The following NRXN1 variants were observed in gnomAD, a reference collection of about 807,000 sequenced individuals.
The protein encoded by NRXN1 is neurexin 1.
NRXN1 carries 39 observed loss-of-function variants against 150.9 expected under a neutral mutation model. The ratio of observed to expected loss-of-function variants is 0.26; its 90% CI spans 0.20 to 0.34. The LOEUF (loss-of-function observed/expected upper bound fraction) is 0.34, where lower values mean the gene tolerates loss of function less well. Among genes scored for constraint, NRXN1 ranks in the 10% least tolerant of loss-of-function variants. The pLI, the probability that NRXN1 is intolerant of heterozygous loss-of-function variation, is 1.00. For synonymous variants in NRXN1, 924 were observed against 757.0 expected (o/e 1.22, Z -3.62); for missense variants, 1,815 against 1,949.9 (o/e 0.93, Z 1.30).
chr2:50,150,413 A>G (rs772094342), intron 18 of NRXN1, among the ~76,000 whole-genome samples: 5 of 151,696 alleles, frequency 3.3e-5, no homozygotes, highest in Non-Finnish European at 5.9e-5. Context: ...TGTATTGTCT[A>G]TTTTTTTCTA....
chr2:50,966,274 A>G (rs534398723), intron 2 of NRXN1, among the ~76,000 whole-genome samples: 13 of 151,348 alleles, frequency 8.6e-5, no homozygotes, highest in Non-Finnish European at 1.8e-4. Context: ...GGAAATTCTT[A>G]ACAGAGCTGC....
In NRXN1 at chr2:50,115,215, G is replaced by GTA. The variant is rs1182060082; in HGVS notation, c.3547-23722_3547-23721insTA. On this transcript the variant is annotated intron_variant, in intron 18 of 22. Transcript: ENST00000401669. ...TTACAAAAAAACATATATATGTTAT[G>GTA]TGTATATATATATATATATATATAT... Among the ~76,000 whole-genome samples the GTA allele has an allele frequency of 1.8e-4, 13 of 70,722 alleles. No individual in the cohort carries two copies. In the South Asian group the frequency reaches 6.1e-3, roughly 33 times the overall value. The allele number at this position is 70,722 out of a possible 152,430, so 46.4% of individuals were successfully genotyped here.
chr2:50,707,541 C>G (rs940436559), intron 5 of NRXN1, among the ~76,000 whole-genome samples: 1 of 152,122 alleles, frequency 6.6e-6, no homozygotes, highest in African/African-American at 2.4e-5. Context: ...AAAATTCAGT[C>G]AAACAGCTTT....
chr2:49,968,617 G>C (rs543638803), intron 21 of NRXN1, among the ~76,000 whole-genome samples: 1 of 151,972 alleles, frequency 6.6e-6, no homozygotes, highest in African/African-American at 2.4e-5. Context: ...ACCTGATTTT[G>C]TGTTACCTTT....
intron 5 of NRXN1, among the ~76,000 whole-genome samples, chr2:50,671,591 T>C (rs1262633042): frequency 3.3e-5 from 5 of 151,734 alleles, no homozygotes; most frequent in Admixed American, 3.3e-4. Context: ...ATATATACTA[T>C]TGATAGGAAA....
intron 12 of NRXN1, among the ~76,000 whole-genome samples, chr2:50,507,531 A>T (rs1487614418): frequency 6.6e-6 from 1 of 151,630 alleles, no homozygotes; most frequent in African/African-American, 2.4e-5. Flanking sequence ...ATCTATATAA[A>T]CCTATGCAAA....
intron 15 of NRXN1, among the ~76,000 whole-genome samples, chr2:50,486,312 G>C (rs948930190): frequency 3.9e-5 from 6 of 152,220 alleles, no homozygotes; most frequent in African/African-American, 9.6e-5. Flanking sequence ...TCTTTGAACA[G>C]AGAATACAGA....
intron 18 of NRXN1, chr2:50,174,585 C>G (rs534417403): frequency 2.0e-5 from 3 of 152,208 alleles, no homozygotes; most frequent in African/African-American, 7.2e-5. Flanking sequence ...TAGCACAGCA[C>G]AGCAATTAAG....
At chr2:50,858,298 A>C (rs1675566016) in intron 5 of NRXN1, among the ~76,000 whole-genome samples, 1 of 152,092 alleles carries the variant, frequency 6.6e-6, no homozygotes, top group Admixed American at 6.6e-5. Flanking sequence ...ACAAAACACA[A>C]ACATAAGAAG....
intron 8 of NRXN1, among the ~76,000 whole-genome samples, chr2:50,612,944 A>G (rs1393289967): frequency 2.0e-5 from 3 of 152,202 alleles, no homozygotes; most frequent in African/African-American, 7.2e-5. Flanking sequence ...CTCTGCATTT[A>G]AGTACTGACA....
chr2:50,373,679 A>AAGGAAAGAAAGAGAGAAAGAAAG (rs766534624), intron 17 of NRXN1, among the ~76,000 whole-genome samples: 9 of 65,638 alleles, frequency 1.4e-4, no homozygotes, highest in Non-Finnish European at 2.7e-4. Context: ...AGAAAGAAAG[A>AAGGAAAGAAAGAGAGAAAGAAAG]AAAGAAAGAA....
At chr2:50,542,562 G>C (rs939827241) in intron 9 of NRXN1, among the ~76,000 whole-genome samples, 11 of 152,152 alleles carry the variant, frequency 7.2e-5, no homozygotes, top group Non-Finnish European at 1.3e-4. Flanking sequence ...GTATGAACTT[G>C]TATTTTAGAA....
At chr2:50,641,412 C>G (rs1684059263) in intron 5 of NRXN1, among the ~76,000 whole-genome samples, 1 of 151,898 alleles carries the variant, frequency 6.6e-6, no homozygotes, top group Non-Finnish European at 1.5e-5. Context: ...ATTGAATGTC[C>G]CTGGCTCTGG....
At chr2:50,678,252 T>C (rs1689828038) in intron 5 of NRXN1, among the ~76,000 whole-genome samples, 1 of 152,182 alleles carries the variant, frequency 6.6e-6, no homozygotes, top group African/African-American at 2.4e-5. Flanking sequence ...TCAAGCATTG[T>C]TTAGATTAAT....
At chr2:50,306,583 G>A (rs1176211152) in intron 17 of NRXN1, among the ~76,000 whole-genome samples, 1 of 152,188 alleles carries the variant, frequency 6.6e-6, no homozygotes, top group Non-Finnish European at 1.5e-5. Context: ...TTCTGTCAAT[G>A]CAGATTTCTC....
At chr2:49,990,045 C>T (rs563151853) in intron 21 of NRXN1, among the ~76,000 whole-genome samples, 1 of 151,926 alleles carries the variant, frequency 6.6e-6, no homozygotes, top group African/African-American at 2.4e-5. Context: ...AGATCAGTTC[C>T]CAGACAACAG....
At chr2:50,402,729 T>C (rs1287193609) in intron 17 of NRXN1, among the ~76,000 whole-genome samples, 3 of 152,152 alleles carry the variant, frequency 2.0e-5, no homozygotes, top group African/African-American at 4.8e-5. Context: ...GATTGTTTTA[T>C]GCGTGAAGAA....
chr2:50,017,454 A>C (rs1176731340), intron 21 of NRXN1, among the ~76,000 whole-genome samples: 1 of 152,224 alleles, frequency 6.6e-6, no homozygotes, highest in East Asian at 1.9e-4. Flanking sequence ...GTCAAAAAAA[A>C]TTGGAAGAGC....
intron 5 of NRXN1, among the ~76,000 whole-genome samples, chr2:50,823,353 G>A (rs1669999053): frequency 6.6e-6 from 1 of 151,978 alleles, no homozygotes; most frequent in Non-Finnish European, 1.5e-5. Context: ...TTGGAAAAGT[G>A]AATCAAAATT....
Sources: gnomAD v4.1 joint callset for allele counts (sites outside exome capture counted in the v4.1 genomes callset) on GRCh38, gnomAD v4.1.1 for gene constraint, MANE v1.5 for transcripts, NCBI Gene and HGNC (gene_info 2026-07-23, HGNC 2026-07-21) for gene names.